The following GSE1 variants were observed in gnomAD, a reference collection of about 807,000 sequenced individuals.
The protein encoded by GSE1 is genetic suppressor element 1.
A neutral mutation model predicts 112.6 loss-of-function variants in GSE1; 32 were observed. The ratio of observed to expected loss-of-function variants is 0.28; its 90% CI spans 0.21 to 0.38. GSE1 has a LOEUF of 0.38. GSE1 is among the 10% of genes least tolerant of loss of function. GSE1 has a pLI of 1.00. For missense variants in GSE1, 2,348 were observed against 1,699.2 expected, an observed-to-expected ratio of 1.38 and a Z score of -6.71; for synonymous variants, 1,115 against 735.6, an observed-to-expected ratio of 1.52 and a Z score of -8.35.
intron 2 of GSE1, among the ~76,000 whole-genome samples, chr16:85,518,770 G>A (rs1475577585): frequency 1.3e-5 from 2 of 152,048 alleles, no homozygotes; most frequent in African/African-American, 4.8e-5. Flanking sequence ...CGTGGGTTTA[G>A]CACCCCTGTG....
chr16:85,231,119 AGGATGGATGGAAGGATGGAT>A lies in GSE1; in HGVS notation c.2283+59333_2283+59352del, dbSNP rs748386888. 9.1e-3 allele frequency among the ~76,000 whole-genome samples: 998 copies of A among 110,176 alleles called. 18 individuals carry two copies. Among genetic ancestry groups the A allele is most frequent in the Non-Finnish European group, 0.015 (791 of 54,202 alleles). 72.3% of individuals were successfully genotyped at this position (110,176 alleles called of 152,430 possible). A position where few individuals can be genotyped will look rare whatever the true frequency, so the allele number is the denominator to read the frequency against. On this transcript the variant is annotated intron_variant, in intron 1 of 2. Coordinates refer to the GSE1 transcript ENST00000637419. ...ATGGACAGATGAATGGATGGATGAA[AGGATGGATGGAAGGATGGAT>A]GGATGGATGGAAGGATGGATAGAAG...
chr16:85,513,670 C>T (rs2051822107), intron 2 of GSE1, among the ~76,000 whole-genome samples: 1 of 152,164 alleles, frequency 6.6e-6, no homozygotes, highest in South Asian at 2.1e-4. Context: ...AGAAGGAATC[C>T]CGCCTGAATC....
chr16:85,480,890 A>G (rs968468068), intron 2 of GSE1, among the ~76,000 whole-genome samples: 6 of 152,226 alleles, frequency 3.9e-5, no homozygotes, highest in Non-Finnish European at 8.8e-5. Context: ...ACTCCGGAGC[A>G]GCTGGGCTCC....
chr16:85,664,156 G>A (rs2052649621), intron 11 of GSE1, among the ~76,000 whole-genome samples: 1 of 152,258 alleles, frequency 6.6e-6, no homozygotes, highest in African/African-American at 2.4e-5. Flanking sequence ...TATAGCAGAA[G>A]AAACAACGCA....
intron 1 of GSE1, among the ~76,000 whole-genome samples, chr16:85,345,962 G>A (rs1440327267): frequency 6.6e-6 from 1 of 151,982 alleles, no homozygotes; most frequent in African/African-American, 2.4e-5. Context: ...ACATGGACAC[G>A]TCAATGAATG....
chr16:85,653,597 G>A (rs1200305758), intron 3 of GSE1, among the ~76,000 whole-genome samples: 2 of 151,874 alleles, frequency 1.3e-5, no homozygotes, highest in Non-Finnish European at 2.9e-5. Flanking sequence ...GGACAGGCGA[G>A]CTGTTGCCTT....
chr16:85,626,218 C>T (rs2049059181), intron 1 of GSE1, among the ~76,000 whole-genome samples: 1 of 152,174 alleles, frequency 6.6e-6, no homozygotes, highest in South Asian at 2.1e-4. Context: ...CTCCCCGCCC[C>T]CTCCCTTGCC....
intron 1 of GSE1, among the ~76,000 whole-genome samples, chr16:85,264,074 C>T (rs796961078): frequency 3.3e-5 from 5 of 152,108 alleles, no homozygotes; most frequent in Non-Finnish European, 5.9e-5. Context: ...ATACAGAAGG[C>T]GGGGAATGGT....
chr16:85,297,025 A>T lies in GSE1; in HGVS notation c.2284-60438A>T, dbSNP rs1002199918. The stretch of plus-strand genomic sequence containing the variant: ...GTGTGGACTGCATCTTTATTGACTT[A>T]TGGGGCTTGGGAAGTCCCAAGCCTT... On this transcript the variant is annotated intron_variant, in intron 1 of 2. Coordinates refer to the GSE1 transcript ENST00000637419. Among the ~76,000 whole-genome samples the T allele has an allele frequency of 2.0e-5, 3 of 152,108 alleles. No individual in the cohort carries two copies. In the East Asian group the frequency reaches 5.8e-4, roughly 30 times the overall value.
chr16:85,444,009 G>A (rs907717691), intron 2 of GSE1, among the ~76,000 whole-genome samples: 3 of 111,660 alleles, frequency 2.7e-5, no homozygotes, highest in Admixed American at 1.2e-4. Context: ...TTTTTGAGAC[G>A]GAGTCTTGAT....
At position 85,269,719 on chromosome 16, in the gene GSE1, A is replaced by T. The variant is rs58936363; in HGVS notation, c.2284-87744A>T. 1.1e-3 allele frequency among the ~76,000 whole-genome samples: 162 copies of T among 148,038 alleles called. 3 individuals carry two copies. Among genetic ancestry groups the T allele is most frequent in the African/African-American group, 3.6e-3 (148 of 41,170 alleles). ...GGGGAAGGGGCTCCCAGTGTCCCCAAAGAGGAGCTGCACCAGACGCCCTTG... is the reference window on the plus strand; with the variant it reads ...GGGGAAGGGGCTCCCAGTGTCCCCATAGAGGAGCTGCACCAGACGCCCTTG... On this transcript the variant is annotated intron_variant, in intron 1 of 2. Coordinates refer to the GSE1 transcript ENST00000637419.
chr16:85,594,661 C>G (rs936086413), intron 1 of GSE1: 4 of 152,298 alleles, frequency 2.6e-5, no homozygotes, highest in South Asian at 2.1e-4. Context: ...TTCTCAGCCT[C>G]TCAGAGCAGG....
At chr16:85,426,543 T>TG (rs2151751244) in intron 2 of GSE1, among the ~76,000 whole-genome samples, 2 of 148,358 alleles carry the variant, frequency 1.3e-5, no homozygotes, top group South Asian at 2.2e-4. Context: ...GATGGATGGA[T>TG]GATTGAATGG....
At chr16:85,525,604 C>G (rs756037788) in intron 2 of GSE1, among the ~76,000 whole-genome samples, 1 of 152,328 alleles carries the variant, frequency 6.6e-6, no homozygotes, top group South Asian at 2.1e-4. Flanking sequence ...GCCTGAGGAC[C>G]AGTTAACGTC....
intron 8 of GSE1, among the ~76,000 whole-genome samples, chr16:85,658,033 A>G (rs1342066475): frequency 6.6e-6 from 1 of 152,240 alleles, no homozygotes; most frequent in Admixed American, 6.5e-5. Context: ...AAGGAAAAAA[A>G]TGAGTTTTAT....
chr16:85,543,712 C>T (rs1390792920), intron 2 of GSE1, among the ~76,000 whole-genome samples: 1 of 152,192 alleles, frequency 6.6e-6, no homozygotes, highest in Non-Finnish European at 1.5e-5. Flanking sequence ...GCTGTTGGCT[C>T]AAGGCCAGCC....
chr16:85,221,429 CCACGTGTGTG>C (rs1277035519), intron 1 of GSE1, among the ~76,000 whole-genome samples: 1 of 152,038 alleles, frequency 6.6e-6, no homozygotes, highest in African/African-American at 2.4e-5. Context: ...ATGCATGCAT[CCACGTGTGTG>C]CACATGTGTA....
intron 2 of GSE1, among the ~76,000 whole-genome samples, chr16:85,442,200 G>A (rs1047061533): frequency 6.6e-6 from 1 of 152,204 alleles, no homozygotes; most frequent in African/African-American, 2.4e-5. Flanking sequence ...TCCTCAGAGA[G>A]GCCTTTGCTG....
intron 1 of GSE1, among the ~76,000 whole-genome samples, chr16:85,239,757 A>T (rs1032423270): frequency 6.6e-6 from 1 of 152,198 alleles, no homozygotes; most frequent in Admixed American, 6.5e-5. Flanking sequence ...CGGGGCTGTG[A>T]TTCTGCCATA....
Sources: allele counts gnomAD v4.1 joint callset (sites outside exome capture counted in the v4.1 genomes callset), GRCh38; gene constraint gnomAD v4.1.1; transcripts MANE v1.5; gene names NCBI Gene and HGNC (gene_info 2026-07-23, HGNC 2026-07-21).